The following CDK12 variants were observed in gnomAD, a reference collection of about 807,000 sequenced individuals.
CDK12 encodes cyclin dependent kinase 12, also known as cyclin-dependent kinase 12.
CDK12 carries 17 observed loss-of-function variants against 133.8 expected under a neutral mutation model. That is an observed-to-expected ratio of 0.13 (90% confidence interval 0.09 to 0.19). CDK12 has a LOEUF of 0.19. Among genes scored for constraint, CDK12 ranks in the 10% least tolerant of loss-of-function variants. The pLI is 1.00. For synonymous variants in CDK12, 694 were observed against 683.6 expected (o/e 1.02, Z -0.24); for missense variants, 1,508 against 1,818.7 (o/e 0.83, Z 3.11).
chr17:39,511,463 G>C (rs1039498918), intron 7 of CDK12, 66 bp from the exon 8 acceptor site: 1 of 1,009,416 alleles, frequency 9.9e-7, no homozygotes, highest in East Asian at 2.4e-5. Flanking sequence ...TTTGCATTTA[G>C]TTATGTGAAT....
At position 39,532,110 on chromosome 17, in the gene CDK12, C is replaced by CTTTCTCTCTCTCTCTA. The variant is rs1567794376; in HGVS notation, c.*795_*796insTTCTCTCTCTCTCTAT. 5.4e-4 allele frequency: 72 copies of CTTTCTCTCTCTCTCTA among 132,518 alleles called. No individual in the cohort carries two copies. The East Asian group carries it at 9.4e-3, about 17-fold the overall frequency. 8.2% of individuals were successfully genotyped at this position (132,518 alleles called of 1,614,324 possible). A position where few individuals can be genotyped will look rare whatever the true frequency, so the allele number is the denominator to read the frequency against. On this transcript the variant is annotated 3_prime_UTR_variant, in exon 14 of 14. Coordinates refer to ENST00000447079, the MANE Select transcript of CDK12 (RefSeq NM_016507.4). ...GTGCTCTCTCTCTCTCTTTCTCTCT[C>CTTTCTCTCTCTCTCTA]TCTCTCTCTCTCTCTCTCTCTCTCT...
At chr17:39,506,701 C>T (rs11078907) in intron 6 of CDK12, among the ~76,000 whole-genome samples, 95,928 of 151,872 alleles carry the variant, frequency 0.63, 32,993 homozygotes, top group South Asian at 0.89. Context: ...GGAAGTATTA[C>T]GTGAAAGAGG....
chr17:39,523,082 G>A (rs1162154005), intron 11 of CDK12, among the ~76,000 whole-genome samples: 1 of 152,004 alleles, frequency 6.6e-6, no homozygotes, highest in Non-Finnish European at 1.5e-5. Context: ...AAAGAAATAT[G>A]ATCTTTTAAT....
At chr17:39,497,795 G>T (rs2052244346) in intron 5 of CDK12, among the ~76,000 whole-genome samples, 2 of 151,852 alleles carry the variant, frequency 1.3e-5, no homozygotes, top group South Asian at 4.2e-4. Flanking sequence ...AGTAGAAACA[G>T]GATCTCTCTA....
chr17:39,462,267 G>A lies in CDK12; in HGVS notation c.196G>A (p.Val66Ile), dbSNP rs2144856373. 1 of 1,614,216 alleles carries A rather than the reference G, an allele frequency of 6.2e-7. No individual in the cohort carries two copies. ...CCCCGAAGCAGCATCCCTGGGCACA[G>A]TTATCAAACCTTTGGTGGAGTATGA... Reference protein sequence around the residue: ...VTPEAASLGTVIKPLVEYDDI... With the variant: ...VTPEAASLGTIIKPLVEYDDI... Residue 66 changes from valine (V) to isoleucine (I), a missense_variant, in exon 1 of 14, where the codon GTT (valine) becomes ATT (isoleucine). Physicochemically the swap from Val to Ile is conservative, Grantham distance 29. Coordinates refer to ENST00000447079, the MANE Select transcript of CDK12 (RefSeq NM_016507.4).
chr17:39,530,561 G>A (rs2054770091), intron 13 of CDK12, 43 bp from the exon 14 acceptor site: 1 of 1,524,804 alleles, frequency 6.6e-7, no homozygotes, highest in African/African-American at 1.4e-5. Context: ...ATAATCACAT[G>A]TGCTTTTTAA....
chr17:39,479,283 G>A (rs1389784791), intron 2 of CDK12, among the ~76,000 whole-genome samples: 1 of 4,692 alleles, frequency 2.1e-4, no homozygotes, highest in Non-Finnish European at 8.4e-4. Flanking sequence ...ACTCGAGCCT[G>A]GGCGACAAGA....
intron 11 of CDK12, among the ~76,000 whole-genome samples, chr17:39,524,214 A>C (rs1289855084): frequency 6.6e-6 from 1 of 152,174 alleles, no homozygotes; most frequent in Non-Finnish European, 1.5e-5. Flanking sequence ...AATTACACAT[A>C]AGTTGATTTT....
chr17:39,486,241 T>G (rs2051115903), intron 2 of CDK12, among the ~76,000 whole-genome samples: 1 of 144,570 alleles, frequency 6.9e-6, no homozygotes, highest in South Asian at 2.2e-4. Flanking sequence ...CATGAGCCAC[T>G]GCACCCTGCC....
At chr17:39,490,324 G>A (rs2051484375) in intron 2 of CDK12, among the ~76,000 whole-genome samples, 3 of 151,486 alleles carry the variant, frequency 2.0e-5, no homozygotes, top group Admixed American at 1.3e-4. Flanking sequence ...CCAAGATCAC[G>A]CCACTGCATT....
At position 39,531,247 on chromosome 17, in the gene CDK12, T is replaced by C; in HGVS notation, c.4404T>C (p.Tyr1468=). The part of the protein sequence containing the change: ...HWGGPTQSSA[Y]GKLYRGPTRV... ...GGGGCCCAACTCAGTCTTCTGCTTA[T>C]GGAAAACTCTATCGGGGGCCTACAA... is the stretch of plus-strand genomic sequence containing the variant. The change falls in exon 14 of 14, where the codon TAT becomes TAC. Residue 1468 remains tyrosine, a synonymous_variant. Coordinates refer to ENST00000447079, the MANE Select transcript of CDK12 (RefSeq NM_016507.4). 2.0e-6 allele frequency: 3 copies of C among 1,513,164 alleles called. No individual in the cohort carries two copies. Among genetic ancestry groups the C allele is most frequent in the Non-Finnish European group, 2.6e-6 (3 of 1,133,532 alleles). 93.7% of individuals were successfully genotyped at this position (1,513,164 alleles called of 1,614,324 possible).
At chr17:39,467,700 G>T (rs1279840744) in intron 1 of CDK12, among the ~76,000 whole-genome samples, 2 of 152,026 alleles carry the variant, frequency 1.3e-5, no homozygotes, top group African/African-American at 4.8e-5. Flanking sequence ...GTTTTCCCTG[G>T]GATAGAGATG....
At chr17:39,487,035 G>C (rs1049459707) in intron 2 of CDK12, among the ~76,000 whole-genome samples, 14 of 152,092 alleles carry the variant, frequency 9.2e-5, no homozygotes, top group Admixed American at 5.9e-4. Context: ...ATTACATTGT[G>C]ACTCAAAGAG....
chr17:39,523,988 T>C (rs2054338405), intron 11 of CDK12, among the ~76,000 whole-genome samples: 1 of 152,218 alleles, frequency 6.6e-6, no homozygotes, highest in Middle Eastern at 3.2e-3. Context: ...ATACATTGAA[T>C]ATGACTTGAA....
At chr17:39,521,796 A>G (rs1033027745) in intron 11 of CDK12, among the ~76,000 whole-genome samples, 1 of 151,776 alleles carries the variant, frequency 6.6e-6, no homozygotes, top group Non-Finnish European at 1.5e-5. Flanking sequence ...TCCTGACTTC[A>G]GGTGATCTGC....
chr17:39,462,959 T>C lies in CDK12; in HGVS notation c.888T>C (p.Ser296=). ...GCACCCGGTCACCGAGCCCCTACAG[T>C]AGGCGACAGAGATCTGTCAGTCCCT... ...QSSTRSPSPY[S]RRQRSVSPYS... The change falls in exon 1 of 14, where the codon AGT becomes AGC. Residue 296 remains serine (S), a synonymous_variant. Coordinates refer to ENST00000447079, the MANE Select transcript of CDK12 (RefSeq NM_016507.4). 1 of 1,614,082 alleles carries C rather than the reference T, an allele frequency of 6.2e-7. No homozygotes were observed. Among genetic ancestry groups the C allele is most frequent in the Non-Finnish European group, 8.5e-7 (1 of 1,180,002 alleles).
At chr17:39,484,189 T>G (rs904990128) in intron 2 of CDK12, among the ~76,000 whole-genome samples, 12 of 152,158 alleles carry the variant, frequency 7.9e-5, no homozygotes, top group Non-Finnish European at 1.6e-4. Context: ...AGTGTTTCCA[T>G]TACACCCACA....
rs1010017373 is a variant in CDK12, at chr17:39,462,898, G to A, written c.827G>A (p.Ser276Asn). The A allele has an allele frequency of 6.2e-7, 1 of 1,614,192 alleles. No homozygotes were observed. The highest frequency in any genetic ancestry group is 8.5e-7 in the Non-Finnish European group (1 of 1,180,024). ...AGTACCTCGAGAAGGCAGTCGGTCA[G>A]TCCCCCTTACAAGGAGCCTTCGGCC... ...PGSTSRRQSV[S>N]PPYKEPSAYQ... Residue 276 changes from serine to asparagine, a missense_variant, in exon 1 of 14, where the codon AGT becomes AAT. Transcript: ENST00000447079.
At chr17:39,496,994 A>G (rs2052176109) in intron 5 of CDK12, among the ~76,000 whole-genome samples, 1 of 140,682 alleles carries the variant, frequency 7.1e-6, no homozygotes, top group Non-Finnish European at 1.5e-5. Flanking sequence ...GCAGTGATGC[A>G]ATCTTGGCTC....
Sources: gnomAD v4.1 joint callset for allele counts (sites outside exome capture counted in the v4.1 genomes callset) on GRCh38, gnomAD v4.1.1 for gene constraint, MANE v1.5 for transcripts, NCBI Gene and HGNC (gene_info 2026-07-23, HGNC 2026-07-21) for gene names.